CNGB3: variants seen among roughly 807,000 people sequenced by gnomAD.
The protein encoded by CNGB3 is cyclic nucleotide-gated channel beta-3.
In CNGB3, 86 loss-of-function variants were observed where a neutral mutation model predicts 92.8. The ratio of observed to expected loss-of-function variants is 0.93; its 90% CI spans 0.78 to 1.11. The LOEUF (loss-of-function observed/expected upper bound fraction) is 1.11, where lower values mean the gene tolerates loss of function less well. Among genes scored for constraint, CNGB3 ranks in the 50% least tolerant of loss-of-function variants. The pLI is 0.00. For missense variants in CNGB3, 1,026 were observed against 956.8 expected (o/e 1.07, Z -0.95); for synonymous variants, 333 against 332.7 (o/e 1.00, Z -0.01).
intron 6 of CNGB3, among the ~76,000 whole-genome samples, chr8:86,665,282 G>T (rs1012802114): frequency 6.6e-6 from 1 of 152,188 alleles, no homozygotes; most frequent in Non-Finnish European, 1.5e-5. Context: ...GCTGGCAAAG[G>T]CTGCAGAGAA....
intron 13 of CNGB3, among the ~76,000 whole-genome samples, chr8:86,616,883 T>C (rs1822632474): frequency 6.6e-6 from 1 of 152,168 alleles, no homozygotes; most frequent in Non-Finnish European, 1.5e-5. Flanking sequence ...CCAGAGTGTG[T>C]GTTTTTATCT....
chr8:86,633,926 A>T (rs1221459251), intron 10 of CNGB3, among the ~76,000 whole-genome samples: 1 of 152,192 alleles, frequency 6.6e-6, no homozygotes, highest in Non-Finnish European at 1.5e-5. Context: ...TTAATAGGGA[A>T]ATTACTGTTG....
intron 3 of CNGB3, among the ~76,000 whole-genome samples, chr8:86,680,298 A>G (rs1824057937): frequency 6.6e-6 from 1 of 152,240 alleles, no homozygotes; most frequent in South Asian, 2.1e-4. Flanking sequence ...GTTAGAAAGC[A>G]TATGGGTTCA....
chr8:86,703,611 G>T (rs895930312), intron 3 of CNGB3, among the ~76,000 whole-genome samples: 2 of 152,174 alleles, frequency 1.3e-5, no homozygotes, highest in African/African-American at 4.8e-5. Context: ...CAGAGTTCAA[G>T]CTTTGTTGTA....
chr8:86,616,286 A>G (rs1822621146), intron 13 of CNGB3, among the ~76,000 whole-genome samples: 1 of 152,188 alleles, frequency 6.6e-6, no homozygotes, highest in African/African-American at 2.4e-5. Context: ...AGTTTCACCA[A>G]TTAAGTGATC....
chr8:86,742,886 T>G (rs944407049), intron 1 of CNGB3, among the ~76,000 whole-genome samples: 1 of 152,178 alleles, frequency 6.6e-6, no homozygotes, highest in African/African-American at 2.4e-5. Flanking sequence ...GTGAAAAGGC[T>G]TGTTTAAAGT....
chr8:86,600,391 T>C (rs954048493), intron 15 of CNGB3, among the ~76,000 whole-genome samples: 1 of 152,196 alleles, frequency 6.6e-6, no homozygotes, highest in African/African-American at 2.4e-5. Context: ...ATGGCCTTCT[T>C]TGAGTCACTT....
intron 3 of CNGB3, among the ~76,000 whole-genome samples, chr8:86,680,375 A>G (rs1469497588): frequency 5.3e-5 from 8 of 152,216 alleles, no homozygotes; most frequent in Admixed American, 5.2e-4. Flanking sequence ...AATGAAAAAA[A>G]CCATCATTCA....
intron 15 of CNGB3, chr8:86,593,861 G>C: frequency 1.3e-6 from 1 of 762,388 alleles, no homozygotes; most frequent in South Asian, 1.4e-5. Flanking sequence ...CTGGACCCCG[G>C]GCAGCATAGC....
intron 14 of CNGB3, among the ~76,000 whole-genome samples, chr8:86,609,190 T>C (rs1341408789): frequency 6.6e-6 from 1 of 152,250 alleles, no homozygotes; most frequent in Non-Finnish European, 1.5e-5. Flanking sequence ...TTTGCACTGC[T>C]TAGGGGCACA....
chr8:86,699,892 C>T (rs1037886401), intron 3 of CNGB3, among the ~76,000 whole-genome samples: 1 of 152,068 alleles, frequency 6.6e-6, no homozygotes, highest in Non-Finnish European at 1.5e-5. Context: ...TATTTCCTTT[C>T]CTACTTTTTT....
chr8:86,661,945 C>T, intron 6 of CNGB3: 1 of 656,910 alleles, frequency 1.5e-6, no homozygotes, highest in Non-Finnish European at 2.8e-6. Flanking sequence ...CGAGAAGAGG[C>T]TCAACCCATC....
At chr8:86,580,191 G>GGGGGGA (rs1554604964) in intron 15 of CNGB3, among the ~76,000 whole-genome samples, 1 of 59,184 alleles carries the variant, frequency 1.7e-5, no homozygotes, top group African/African-American at 5.4e-5. Context: ...AGAATAGCAC[G>GGGGGGA]GGGGGGGTGG....
intron 10 of CNGB3, among the ~76,000 whole-genome samples, chr8:86,633,621 T>G (rs6995917): frequency 0.37 from 56,536 of 151,940 alleles, 11,539 homozygotes; most frequent in African/African-American, 0.55. Context: ...TATTTGTCAG[T>G]CAAGTCACTA....
intron 3 of CNGB3, among the ~76,000 whole-genome samples, chr8:86,725,721 T>C (rs1173452394): frequency 2.6e-5 from 4 of 152,170 alleles, no homozygotes; most frequent in Non-Finnish European, 5.9e-5. Context: ...ACAGTAGAGG[T>C]GCTGCTGAGA....
chr8:86,739,583 A>C, intron 2 of CNGB3, 72 bp downstream of exon 2: 2 of 1,588,222 alleles, frequency 1.3e-6, no homozygotes, highest in Non-Finnish European at 1.7e-6. Context: ...ATTTCATCAG[A>C]CAGCACATTT....
intron 1 of CNGB3, 74 bp downstream of exon 1, chr8:86,743,424 TA>T: frequency 6.5e-7 from 1 of 1,544,014 alleles, no homozygotes; most frequent in Non-Finnish European, 9.0e-7. Context: ...TCATATATCG[TA>T]GCAGTGATTA....
intron 6 of CNGB3, chr8:86,658,975 G>T: frequency 9.1e-7 from 1 of 1,093,522 alleles, no homozygotes; most frequent in Non-Finnish European, 1.4e-6. Flanking sequence ...TCTTGCACCT[G>T]GGCTTGGAGC....
chr8:86,644,600 A>G lies in CNGB3; in HGVS notation c.1055+22T>C, dbSNP rs751397727. 7 of 1,599,264 alleles carry G rather than the reference A, an allele frequency of 4.4e-6. 1 individual carries two copies. The Admixed American group carries it at 1.2e-4, about 27-fold the overall frequency. On this transcript the variant is annotated intron_variant, in intron 9 of 17. Transcript: ENST00000320005. ...ACCATTGCTTTTTCCCCTTCCCCCAAGTATACTGAGTTATACTTTACCTGT... is the reference window on the plus strand; with the variant it reads ...ACCATTGCTTTTTCCCCTTCCCCCAGGTATACTGAGTTATACTTTACCTGT...
Sources: allele counts gnomAD v4.1 joint callset (sites outside exome capture counted in the v4.1 genomes callset), GRCh38; gene constraint gnomAD v4.1.1; transcripts MANE v1.5; gene names NCBI Gene and HGNC (gene_info 2026-07-23, HGNC 2026-07-21).